The following ANKS1B variants were observed in gnomAD, a reference collection of about 807,000 sequenced individuals.
ANKS1B encodes the protein ankyrin repeat and sterile alpha motif domain containing 1B.
A neutral mutation model predicts 148.3 loss-of-function variants in ANKS1B; 36 were observed. That is an observed-to-expected ratio of 0.24 (90% CI 0.19 to 0.32). The LOEUF (loss-of-function observed/expected upper bound fraction) is 0.32. Ranked by LOEUF, ANKS1B falls within the 10% of genes least tolerant of loss-of-function variation. The pLI is 1.00. For missense variants in ANKS1B, 1,157 were observed against 1,542.6 expected (o/e 0.75, Z 4.19); for synonymous variants, 542 against 560.8 (o/e 0.97, Z 0.47).
intron 1 of ANKS1B, among the ~76,000 whole-genome samples, chr12:99,882,002 G>A (rs1036487227): frequency 2.0e-5 from 3 of 152,110 alleles, no homozygotes; most frequent in African/African-American, 4.8e-5. Flanking sequence ...AGAATTACCT[G>A]ACAAAGATGT....
chr12:99,030,823 C>A (rs1181342260), intron 17 of ANKS1B, among the ~76,000 whole-genome samples: 1 of 152,132 alleles, frequency 6.6e-6, no homozygotes, highest in African/African-American at 2.4e-5. Context: ...CAGACCCTAC[C>A]ACTCCCATTG....
rs563038096 is a variant in ANKS1B at position 99,140,031 on chromosome 12, T to C, written c.2526+14258A>G. On this transcript the variant is annotated intron_variant, in intron 15 of 26. Coordinates refer to ENST00000683438, the MANE Select transcript of ANKS1B (RefSeq NM_001352186.2). ...GAATGCAAGTTTAGGTTAGTTACCC[T>C]TGAGGACAAAGCTACTAGACTCTCG... is the stretch of plus-strand genomic sequence containing the variant. 9.8e-5 allele frequency among the ~76,000 whole-genome samples: 15 copies of C among 152,354 alleles called. No homozygotes were observed. The South Asian group carries it at 2.3e-3, about 23-fold the overall frequency.
intron 8 of ANKS1B, among the ~76,000 whole-genome samples, chr12:99,688,501 C>T: frequency 6.6e-6 from 1 of 152,138 alleles, no homozygotes; most frequent in Non-Finnish European, 1.5e-5. Context: ...ATAACAAATG[C>T]CTCTTGATGA....
At chr12:99,857,780 T>C (rs942781883) in intron 1 of ANKS1B, among the ~76,000 whole-genome samples, 2 of 151,736 alleles carry the variant, frequency 1.3e-5, no homozygotes, top group Admixed American at 6.6e-5. Context: ...AAAACATAAA[T>C]AGGAGAAAAG....
intron 15 of ANKS1B, among the ~76,000 whole-genome samples, chr12:99,110,488 ATTATATT>A (rs1478644034): frequency 6.6e-6 from 1 of 152,216 alleles, no homozygotes; most frequent in East Asian, 1.9e-4. Flanking sequence ...TGATTGGAGA[ATTATATT>A]TTGAAGAGTT....
At chr12:98,978,624 A>G (rs944204603) in intron 17 of ANKS1B, among the ~76,000 whole-genome samples, 14 of 152,124 alleles carry the variant, frequency 9.2e-5, no homozygotes, top group African/African-American at 3.4e-4. Context: ...CTTAATTCAT[A>G]TAGTCATGTT....
At chr12:99,320,599 T>C (rs1342841568) in intron 12 of ANKS1B, among the ~76,000 whole-genome samples, 1 of 152,188 alleles carries the variant, frequency 6.6e-6, no homozygotes, top group Non-Finnish European at 1.5e-5. Context: ...TCGTCTAATC[T>C]TTTTTCAAGG....
chr12:99,685,106 C>T (rs1462465380), intron 8 of ANKS1B, among the ~76,000 whole-genome samples: 1 of 152,044 alleles, frequency 6.6e-6, no homozygotes, highest in Non-Finnish European at 1.5e-5. Context: ...TTCTGCACAG[C>T]AAAAGAAATA....
chr12:99,119,042 C>T (rs1253303575), intron 15 of ANKS1B, among the ~76,000 whole-genome samples: 1 of 152,132 alleles, frequency 6.6e-6, no homozygotes, highest in Non-Finnish European at 1.5e-5. Flanking sequence ...GGTATCAGAT[C>T]CTAATCCCTG....
intron 22 of ANKS1B, among the ~76,000 whole-genome samples, chr12:98,789,899 T>C (rs2098832393): frequency 6.6e-6 from 1 of 152,198 alleles, no homozygotes; most frequent in Non-Finnish European, 1.5e-5. Context: ...ATATTTCCAC[T>C]TCTTACTAGA....
At chr12:99,164,448 T>A (rs990895281) in intron 14 of ANKS1B, among the ~76,000 whole-genome samples, 1 of 152,084 alleles carries the variant, frequency 6.6e-6, no homozygotes, top group Non-Finnish European at 1.5e-5. Context: ...TCATTTTTGG[T>A]ACTCTGGTAA....
intron 12 of ANKS1B, among the ~76,000 whole-genome samples, chr12:99,389,322 C>T (rs942323537): frequency 1.3e-5 from 2 of 152,156 alleles, no homozygotes; most frequent in Admixed American, 1.3e-4. Context: ...GTGCAGAGAG[C>T]AAGAGGGGAA....
chr12:98,816,486 G>A (rs926712208), intron 19 of ANKS1B, among the ~76,000 whole-genome samples: 5 of 152,146 alleles, frequency 3.3e-5, no homozygotes, highest in Non-Finnish European at 5.9e-5. Flanking sequence ...AGTAGAGACG[G>A]GGTTTCGCCA....
At chr12:99,778,588 T>C (rs1213685258) in intron 6 of ANKS1B, among the ~76,000 whole-genome samples, 2 of 151,830 alleles carry the variant, frequency 1.3e-5, no homozygotes, top group Non-Finnish European at 2.9e-5. Context: ...AGAAGACTAA[T>C]AAAAAATAGT....
At chr12:99,060,308 C>T (rs2041970503) in intron 16 of ANKS1B, among the ~76,000 whole-genome samples, 1 of 151,866 alleles carries the variant, frequency 6.6e-6, no homozygotes, top group Non-Finnish European at 1.5e-5. Context: ...GTTAACATCA[C>T]AGGTGGTACA....
chr12:99,704,817 G>A (rs2055460410), intron 8 of ANKS1B, among the ~76,000 whole-genome samples: 1 of 151,900 alleles, frequency 6.6e-6, no homozygotes, highest in African/African-American at 2.4e-5. Context: ...CATAAGACTT[G>A]GTAGGGAAAA....
intron 8 of ANKS1B, among the ~76,000 whole-genome samples, chr12:99,667,355 A>C (rs1159191511): frequency 7.4e-6 from 1 of 134,688 alleles, no homozygotes; most frequent in African/African-American, 2.6e-5. Flanking sequence ...TCTCAAAAAA[A>C]AAGAAAAGAA....
chr12:99,331,526 TA>T (rs1172960450), intron 12 of ANKS1B, among the ~76,000 whole-genome samples: 2 of 151,990 alleles, frequency 1.3e-5, no homozygotes, highest in Non-Finnish European at 2.9e-5. Context: ...CCCTACAGTT[TA>T]AAATCCTGAC....
chr12:99,076,741 T>C (rs1272465158), intron 16 of ANKS1B, among the ~76,000 whole-genome samples: 2 of 152,204 alleles, frequency 1.3e-5, no homozygotes, highest in Non-Finnish European at 2.9e-5. Flanking sequence ...TTCTCAGAAG[T>C]ATGGAAAAGT....
Sources: gnomAD v4.1 joint callset for allele counts (sites outside exome capture counted in the v4.1 genomes callset) on GRCh38, gnomAD v4.1.1 for gene constraint, MANE v1.5 for transcripts, NCBI Gene and HGNC (gene_info 2026-07-23, HGNC 2026-07-21) for gene names.